Variants in MCF2L observed in about 807,000 individuals in gnomAD.
MCF2L encodes guanine nucleotide exchange factor DBS.
Under a neutral mutation model 153.4 loss-of-function variants are expected in MCF2L, and 97 were observed. The observed-to-expected ratio is 0.63, with a 90% CI of 0.54 to 0.75. The LOEUF is 0.75. Among genes scored for constraint, MCF2L ranks in the 30% least tolerant of loss-of-function variants. The pLI is 0.00. For synonymous variants in MCF2L, 659 were observed against 632.2 expected (o/e 1.04, Z -0.64); for missense variants, 1,347 against 1,495.2 (o/e 0.90, Z 1.64).
chr13:113,091,891 C>G (rs553627257), intron 26 of MCF2L, among the ~76,000 whole-genome samples: 1 of 152,202 alleles, frequency 6.6e-6, no homozygotes, highest in African/African-American at 2.4e-5. Flanking sequence ...TAAGCAGAAC[C>G]AGCCTTCCCA....
intron 1 of MCF2L, among the ~76,000 whole-genome samples, chr13:112,989,146 G>C (rs111724491): frequency 1.6e-4 from 1 of 6,422 alleles, no homozygotes; most frequent in Non-Finnish European, 4.4e-4. Flanking sequence ...CTACCACACC[G>C]GAGTCCTCCC....
intron 1 of MCF2L, 50 bp from the exon 2 acceptor site, chr13:113,014,713 G>T: frequency 6.5e-7 from 1 of 1,533,174 alleles, no homozygotes. Context: ...CGCTTGCAGG[G>T]TGAGGCAGCT....
At chr13:112,968,521 C>A, upstream of MCF2L, 1 of 1,571,200 alleles carries the variant, frequency 6.4e-7, no homozygotes. Flanking sequence ...CTGGGTCCTG[C>A]GTCCTTGGGC....
In MCF2L at chr13:113,064,407, T is replaced by A. The variant is rs2032036049; in HGVS notation, c.593T>A (p.Leu198Gln). The stretch of plus-strand genomic sequence containing the variant: ...CTGGACTACTGCCACTCCCGGTGGC[T>A]GTGCCAGCGCACGGTGAGCCGCGTC... ...GTLDYCHSRWLCQRTAIESFA... is the reference protein window; with the variant it reads ...GTLDYCHSRWQCQRTAIESFA... Residue 198 changes from leucine (L) to glutamine (Q), a missense_variant, in exon 6 of 30, where the codon CTG becomes CAG. Around this residue, in one of 3 missense-constraint regions of MCF2L, gnomAD observed 820 missense variants for 921.2 expected, o/e 0.89. Transcript: ENST00000535094. The surrounding 1 kb of genome is among the most constrained non-coding windows in gnomAD (Gnocchi z 6.0). The A allele has an allele frequency of 6.2e-7, 1 of 1,610,662 alleles. No homozygotes were observed. Among genetic ancestry groups the A allele is most frequent in the Non-Finnish European group, 8.5e-7 (1 of 1,178,348 alleles).
chr13:113,047,656 C>T (rs565073374), intron 4 of MCF2L, among the ~76,000 whole-genome samples: 4 of 152,308 alleles, frequency 2.6e-5, no homozygotes, highest in South Asian at 2.1e-4. Flanking sequence ...AGGGCACTTG[C>T]GGTGTCAGGA....
chr13:113,064,240 G>A lies in MCF2L; in HGVS notation c.490-64G>A, dbSNP rs1482884503. 7 of 1,200,010 alleles carry A rather than the reference G, an allele frequency of 5.8e-6. No individual in the cohort carries two copies. The Admixed American group carries it at 1.2e-4, about 20-fold the overall frequency. The allele number at this position is 1,200,010 out of a possible 1,614,324, so 74.3% of individuals were successfully genotyped here. A position where few individuals can be genotyped will look rare whatever the true frequency, so the allele number is the denominator to read the frequency against. On this transcript the variant is annotated intron_variant, in intron 5 of 29. Transcript: ENST00000535094. The surrounding 1 kb of genome is among the most constrained non-coding windows in gnomAD (Gnocchi z 6.0). ...TGTGCTGCTGGGTGTTCTGCTGATG[G>A]GGCAGCTCTTTTGGGAGCCAACAAT...
chr13:113,039,682 A>G (rs1008861736), intron 3 of MCF2L, among the ~76,000 whole-genome samples: 1 of 151,722 alleles, frequency 6.6e-6, no homozygotes. Context: ...ATAAAAGAGG[A>G]TAGCCACTAG....
rs2033732380 is a variant in MCF2L, at chr13:113,078,371, C to T, written c.1669C>T (p.Arg557Ter). Residue 557 changes from arginine (R) to a stop codon, truncating the protein, a stop_gained, in exon 14 of 30, where the codon CGA (arginine) becomes TGA (stop). Transcript: ENST00000535094. LOFTEE classifies it high-confidence loss of function. ...KSPCPSPGIR[R>*]GSENSSSEGG... ...CCCCTTCTTCCCAACAGGCATTCGG[C>T]GAGGCTCTGAGAACTCCAGCTCCGA... 1.2e-6 allele frequency: 2 copies of T among 1,613,238 alleles called. No homozygotes were observed. Among genetic ancestry groups the T allele is most frequent in the Non-Finnish European group, 1.7e-6 (2 of 1,179,784 alleles).
chr13:112,976,164 TTGTG>T (rs770299172), intron 1 of MCF2L, among the ~76,000 whole-genome samples: 17 of 148,992 alleles, frequency 1.1e-4, no homozygotes, highest in South Asian at 6.4e-4. Flanking sequence ...GTTTGCTTGT[TTGTG>T]TGTGTGTATG....
intron 5 of MCF2L, among the ~76,000 whole-genome samples, chr13:113,063,673 C>T (rs538812330): frequency 6.6e-6 from 1 of 152,190 alleles, no homozygotes; most frequent in Non-Finnish European, 1.5e-5. Context: ...CCGTATCAGT[C>T]TAGAGTGGGG....
At chr13:112,922,946 T>C (rs536886302) in intron 2 of MCF2L, among the ~76,000 whole-genome samples, 1 of 152,346 alleles carries the variant, frequency 6.6e-6, no homozygotes, top group South Asian at 2.1e-4. Context: ...GTAAGTTTCA[T>C]AGATGTGGAA....
intron 3 of MCF2L, chr13:113,040,874 G>C (rs919083790): frequency 6.6e-6 from 1 of 152,234 alleles, no homozygotes; most frequent in Non-Finnish European, 1.5e-5. Flanking sequence ...CTGCCCACAT[G>C]GGTGGGGGAC....
chr13:112,978,432 AAC>A (rs1285238681), intron 1 of MCF2L, among the ~76,000 whole-genome samples: 1 of 152,170 alleles, frequency 6.6e-6, no homozygotes, highest in African/African-American at 2.4e-5. Context: ...GCTGGCTCTC[AAC>A]ACCTGTAGCT....
Position 112,907,042 on chromosome 13 carries a change from A to C in MCF2L, c.169+4671A>C, listed in dbSNP as rs2081179908. Among the ~76,000 whole-genome samples the C allele has an allele frequency of 1.3e-5, 2 of 152,140 alleles. No homozygotes were observed. The highest frequency in any genetic ancestry group is 4.8e-5 in the African/African-American group (2 of 41,430). The stretch of plus-strand genomic sequence containing the variant: ...TTGCCGCCTTGGGTGGAGTCGCGAC[A>C]TTGCTGTTTCTATGTCAGAAGCCTT... On this transcript the variant is annotated intron_variant, in intron 2 of 29. Coordinates refer to the MCF2L transcript ENST00000375608. The surrounding 1 kb of genome is among the most constrained non-coding windows in gnomAD (Gnocchi z 5.1).
At chr13:113,052,608 C>T (rs2087426651) in intron 4 of MCF2L, 1 of 165,382 alleles carries the variant, frequency 6.0e-6, no homozygotes, top group South Asian at 2.1e-4. Context: ...CTGCCCCACG[C>T]ATGGAGGAGA....
Position 113,097,155 on chromosome 13 carries a change from CTGGA to C in MCF2L, c.*297_*300del. 1 of 318,248 alleles carries C rather than the reference CTGGA, an allele frequency of 3.1e-6. No homozygotes were observed. The allele number at this position is 318,248 out of a possible 1,614,324, so 19.7% of individuals were successfully genotyped here. On this transcript the variant is annotated 3_prime_UTR_variant, in exon 30 of 30. Transcript: ENST00000535094. ...TGGCTCCACCGTGCTGCTTCTGCCT[CTGGA>C]CGGTGCTTTCAGGGGACGCGCGGAC... is the stretch of plus-strand genomic sequence containing the variant.
At chr13:112,986,975 G>A (rs917635534) in intron 1 of MCF2L, among the ~76,000 whole-genome samples, 3 of 152,208 alleles carry the variant, frequency 2.0e-5, no homozygotes, top group East Asian at 1.9e-4. Context: ...CCAAGGCTCC[G>A]GGGAGGTTTC....
intron 7 of MCF2L, 174 bp downstream of exon 7, chr13:113,065,259 C>T (rs897864223): frequency 3.0e-6 from 2 of 672,658 alleles, no homozygotes; most frequent in Non-Finnish European, 5.1e-6. Context: ...GCAATTAGCT[C>T]GGCAACCTCT....
chr13:112,917,308 C>T (rs983064660), intron 2 of MCF2L: 54 of 382,036 alleles, frequency 1.4e-4, no homozygotes, highest in Middle Eastern at 6.1e-4. Flanking sequence ...TGCACCTCTC[C>T]GTCCAGTTCC....
Sources: allele counts gnomAD v4.1 joint callset (sites outside exome capture counted in the v4.1 genomes callset), GRCh38; gene constraint gnomAD v4.1.1; regional missense constraint gnomAD v4.1.1; non-coding constraint Gnocchi (gnomAD v3.1); transcripts MANE v1.5; gene names NCBI Gene and HGNC (gene_info 2026-07-23, HGNC 2026-07-21).